RC3H2: variants seen among roughly 807,000 people sequenced by gnomAD.
RC3H2 encodes the protein roquin-2.
Under a neutral mutation model 133.3 loss-of-function variants are expected in RC3H2, and 31 were observed. The observed-to-expected ratio is 0.23, with a 90% CI of 0.17 to 0.31. The LOEUF is 0.31. RC3H2 is among the 10% of genes least tolerant of loss of function. The probability of loss-of-function intolerance (pLI) is 1.00; values close to 1 mark genes in which losing one functional copy is unlikely to be tolerated. For synonymous variants in RC3H2, 517 were observed against 502.2 expected, an observed-to-expected ratio of 1.03 and a Z score of -0.40; for missense variants, 1,175 against 1,437.2, an observed-to-expected ratio of 0.82 and a Z score of 2.95.
chr9:122,903,916 C>A (rs919616484), intron 1 of RC3H2, among the ~76,000 whole-genome samples: 2 of 152,176 alleles, frequency 1.3e-5, no homozygotes, highest in African/African-American at 4.8e-5. Context: ...AAAGGAGAAT[C>A]TATTAATATT....
chr9:122,858,176 T>C (rs1283095842), intron 12 of RC3H2, 83 bp from the exon 13 acceptor site: 3 of 1,286,020 alleles, frequency 2.3e-6, no homozygotes, highest in East Asian at 2.3e-5. Flanking sequence ...GTAAACAGTT[T>C]ATGATATTGT....
intron 9 of RC3H2, chr9:122,875,493 A>G (rs1170303381): frequency 2.3e-6 from 3 of 1,322,212 alleles, no homozygotes; most frequent in Non-Finnish European, 3.0e-6. Context: ...TTTTTGCTAC[A>G]GTGGCACTGC....
intron 18 of RC3H2, chr9:122,853,645 G>A (rs1052613151): frequency 2.5e-5 from 13 of 527,262 alleles, no homozygotes; most frequent in Admixed American, 7.3e-5. Flanking sequence ...CCAGCTACTC[G>A]GGAAGCTGAG....
chr9:122,890,359 T>C lies in RC3H2; in HGVS notation c.536A>G (p.Asn179Ser). Residue 179 changes from asparagine (N) to serine (S), a missense_variant, in exon 4 of 21, where the codon AAT (asparagine) becomes AGT (serine). By Grantham distance (46) the Asn-to-Ser change is conservative. Transcript: ENST00000357244. ...TCGAGCCCTGACAGCGGCCCATAGA[T>C]TGGCAGACAACTGCTGAGGGTTCTG... Reference protein sequence around the residue: ...QHQNPQQLSANLWAAVRARGC... With the variant: ...QHQNPQQLSASLWAAVRARGC... The C allele has an allele frequency of 1.9e-6, 3 of 1,614,092 alleles. No individual in the cohort carries two copies. Among genetic ancestry groups the C allele is most frequent in the Non-Finnish European group, 2.5e-6 (3 of 1,180,004 alleles).
At chr9:122,880,176 T>C (rs1831551899) in intron 6 of RC3H2, 51 bp from the exon 7 acceptor site, 1 of 1,558,474 alleles carries the variant, frequency 6.4e-7, no homozygotes, top group African/African-American at 1.4e-5. Flanking sequence ...ATGACACATT[T>C]ATACTCAAAT....
intron 5 of RC3H2, among the ~76,000 whole-genome samples, chr9:122,881,104 G>A (rs1421969035): frequency 6.6e-6 from 1 of 152,178 alleles, no homozygotes; most frequent in Non-Finnish European, 1.5e-5. Context: ...TTAAATTAGG[G>A]AGAAGAAAGG....
rs1302397680 is a variant in RC3H2 at position 122,897,312 on chromosome 9, G to T, written c.198C>A (p.Val66=). The change falls in exon 2 of 21, where the codon GTC becomes GTA. Residue 66 remains valine, a synonymous_variant. Transcript: ENST00000357244. ...CAACTAACTGGAGAAGTGCGAAGTTGACAGGAAGTACATCAATATCTGTGT... is the reference window on the plus strand; with the variant it reads ...CAACTAACTGGAGAAGTGCGAAGTTTACAGGAAGTACATCAATATCTGTGT... The part of the protein sequence containing the change: ...AINTDIDVLP[V]NFALLQLVGA... 6.2e-7 allele frequency: 1 copy of T among 1,614,116 alleles called. No individual in the cohort carries two copies. The highest frequency in any genetic ancestry group is 1.7e-5 in the Admixed American group (1 of 60,016).
At chr9:122,881,136 C>T (rs1831603870) in intron 5 of RC3H2, among the ~76,000 whole-genome samples, 1 of 152,136 alleles carries the variant, frequency 6.6e-6, no homozygotes, top group African/African-American at 2.4e-5. Context: ...AGGCTTCTCC[C>T]AGCTGAAAGC....
At chr9:122,884,834 A>G (rs533185864) in intron 4 of RC3H2, among the ~76,000 whole-genome samples, 1 of 151,636 alleles carries the variant, frequency 6.6e-6, no homozygotes, top group South Asian at 2.1e-4. Flanking sequence ...GCCTGGCGAC[A>G]TAGCGAAAGT....
Position 122,865,430 on chromosome 9 carries a change from A to C in RC3H2, c.1553T>G (p.Leu518Arg). ...SRSTDSTLRA[L>R]ETVKKVGKVG... ...CTTTCCCACTTTCTTCACGGTCTCC[A>C]GAGCTCTTAAGGTACTGTCAGTACT... is the stretch of plus-strand genomic sequence containing the variant. The change falls in exon 10 of 21, where the codon CTG becomes CGG. Residue 518 changes from leucine to arginine, a missense_variant. Physicochemically the swap from Leu to Arg is moderately radical, Grantham distance 102. Transcript: ENST00000357244. 1 of 1,614,206 alleles carries C rather than the reference A, an allele frequency of 6.2e-7. No homozygotes were observed. The highest frequency in any genetic ancestry group is 8.5e-7 in the Non-Finnish European group (1 of 1,180,004).
intron 4 of RC3H2, among the ~76,000 whole-genome samples, chr9:122,885,102 G>C (rs1428904119): frequency 6.6e-6 from 1 of 152,032 alleles, no homozygotes; most frequent in African/African-American, 2.4e-5. Flanking sequence ...GTACTGTATT[G>C]TATCATTAAT....
chr9:122,891,312 TG>T, intron 3 of RC3H2, among the ~76,000 whole-genome samples: 1 of 152,194 alleles, frequency 6.6e-6, no homozygotes, highest in Non-Finnish European at 1.5e-5. Context: ...CGTGAGCCTC[TG>T]TGCCCAGCCT....
rs1218622824 is a variant in RC3H2 at position 122,865,335 on chromosome 9, T to G, written c.1634+14A>C. 1 of 1,571,094 alleles carries G rather than the reference T, an allele frequency of 6.4e-7. No individual in the cohort carries two copies. The highest frequency in any genetic ancestry group is 8.6e-7 in the Non-Finnish European group (1 of 1,156,378). The stretch of plus-strand genomic sequence containing the variant: ...AAAAAGAATTTCCAGTAATCATTTT[T>G]ACCTAATACCTACTTTTCAGTTACA... On this transcript the variant is annotated intron_variant, in intron 10 of 20. Coordinates refer to ENST00000357244, the MANE Select transcript of RC3H2 (RefSeq NM_001100588.3).
chr9:122,855,613 C>T, intron 14 of RC3H2, 119 bp downstream of exon 14: 1 of 1,147,976 alleles, frequency 8.7e-7, no homozygotes, highest in East Asian at 2.4e-5. Flanking sequence ...TATAACCCTG[C>T]TGCTACTGAG....
In RC3H2 at chr9:122,865,669, A is replaced by G. The variant is rs558650381; in HGVS notation, c.1326-12T>C. 1.1e-5 allele frequency: 17 copies of G among 1,600,774 alleles called. No individual in the cohort carries two copies. In the Admixed American group the frequency reaches 2.3e-4, roughly 22 times the overall value. The stretch of plus-strand genomic sequence containing the variant: ...TCCTTAATCGATACCTGTTTCAAAA[A>G]CAATCAACAGATTGGTGAATATTTC... On this transcript the variant is annotated splice_polypyrimidine_tract_variant and intron_variant, in intron 9 of 20. Transcript: ENST00000357244.
At chr9:122,865,714 A>C (rs1306123818) in intron 9 of RC3H2, 57 bp from the exon 10 acceptor site, 1 of 1,474,138 alleles carries the variant, frequency 6.8e-7, no homozygotes, top group East Asian at 2.3e-5. Flanking sequence ...TACTCAAGAC[A>C]AAAAATGGCA....
At chr9:122,866,552 G>A (rs1361013104) in intron 9 of RC3H2, among the ~76,000 whole-genome samples, 3 of 152,006 alleles carry the variant, frequency 2.0e-5, no homozygotes, top group Non-Finnish European at 4.4e-5. Flanking sequence ...TTGCAGGCGC[G>A]CGCCGCCACG....
intron 2 of RC3H2, among the ~76,000 whole-genome samples, chr9:122,896,921 G>T (rs966944627): frequency 2.0e-5 from 3 of 151,252 alleles, no homozygotes; most frequent in Non-Finnish European, 4.4e-5. Flanking sequence ...AGCTACTTGG[G>T]AGGCTGAAGC....
intron 13 of RC3H2, 73 bp from the exon 14 acceptor site, chr9:122,855,951 A>G: frequency 8.0e-7 from 1 of 1,255,876 alleles, no homozygotes; most frequent in Non-Finnish European, 1.1e-6. Flanking sequence ...AATATAAAGT[A>G]ACTATTATAG....
Sources: gnomAD v4.1 joint callset for allele counts (sites outside exome capture counted in the v4.1 genomes callset) on GRCh38, gnomAD v4.1.1 for gene constraint, MANE v1.5 for transcripts, NCBI Gene and HGNC (gene_info 2026-07-23, HGNC 2026-07-21) for gene names.